The following ACTR3C variants were observed in gnomAD, a reference collection of about 807,000 sequenced individuals.
ACTR3C encodes the protein actin-related protein 3C.
A neutral mutation model predicts 26.3 loss-of-function variants in ACTR3C; 18 were observed. The ratio of observed to expected loss-of-function variants is 0.68; its 90% CI spans 0.47 to 1.01. The LOEUF is 1.01. Among genes scored for constraint, ACTR3C ranks in the 50% least tolerant of loss-of-function variants. The pLI is 0.00. For synonymous variants in ACTR3C, 55 were observed against 94.5 expected (o/e 0.58, Z 2.42); for missense variants, 184 against 250.7 (o/e 0.73, Z 1.80).
At chr7:150,165,155 A>G in the ACTR3C span, among the ~76,000 whole-genome samples, 50 of 152,274 alleles carry the variant, frequency 3.3e-4, no homozygotes, top group South Asian at 1.0e-2. Context: ...ATGCAATTCA[A>G]CATCTCGGTA....
chr7:149,904,919 G>A, the ACTR3C span, among the ~76,000 whole-genome samples: 26 of 151,946 alleles, frequency 1.7e-4, no homozygotes, highest in Non-Finnish European at 2.2e-4. Context: ...CCAGCTACTC[G>A]GGAGGCTGAG....
the ACTR3C span, among the ~76,000 whole-genome samples, chr7:150,030,429 C>A: frequency 6.6e-6 from 1 of 152,052 alleles, no homozygotes; most frequent in East Asian, 1.9e-4. Flanking sequence ...TAACCAACTG[C>A]ACTATTCTAG....
At chr7:150,249,952 T>C (rs1263817955) in intron 6 of ACTR3C, among the ~76,000 whole-genome samples, 5 of 152,216 alleles carry the variant, frequency 3.3e-5, no homozygotes, top group Non-Finnish European at 7.4e-5. Context: ...GGGACTGTGA[T>C]GGGTTAGGGT....
the ACTR3C span, among the ~76,000 whole-genome samples, chr7:149,994,883 T>A: frequency 6.7e-6 from 1 of 148,866 alleles, no homozygotes; most frequent in Non-Finnish European, 1.5e-5. Flanking sequence ...GTATGGAGTT[T>A]CGCTCTTGTT....
the ACTR3C span, among the ~76,000 whole-genome samples, chr7:149,968,236 G>A: frequency 1.3e-5 from 2 of 152,162 alleles, no homozygotes; most frequent in Non-Finnish European, 2.9e-5. Context: ...ATCTTATTTT[G>A]TAAATGTATT....
At chr7:150,241,268 A>C (rs1320803980), downstream of ACTR3C, among the ~76,000 whole-genome samples, 1 of 152,184 alleles carries the variant, frequency 6.6e-6, no homozygotes, top group Non-Finnish European at 1.5e-5. Context: ...AGCCATAGGA[A>C]TAAAGGCCCT....
chr7:150,154,169 C>G, the ACTR3C span, among the ~76,000 whole-genome samples: 1 of 151,036 alleles, frequency 6.6e-6, no homozygotes, highest in Non-Finnish European at 1.5e-5. Context: ...CACATGTATA[C>G]ATATGTAACT....
chr7:150,083,128 T>C, the ACTR3C span, among the ~76,000 whole-genome samples: 1 of 151,008 alleles, frequency 6.6e-6, no homozygotes, highest in Admixed American at 6.6e-5. Flanking sequence ...TGAATTTTCT[T>C]TTTTTGTAGA....
the ACTR3C span, among the ~76,000 whole-genome samples, chr7:149,884,168 T>TATC: frequency 2.1e-4 from 32 of 152,316 alleles, no homozygotes; most frequent in Middle Eastern, 3.4e-3. Context: ...CTAATCTCCT[T>TATC]ATCTGTGTGC....
the ACTR3C span, among the ~76,000 whole-genome samples, chr7:150,012,561 C>T: frequency 2.0e-5 from 3 of 150,380 alleles, no homozygotes; most frequent in African/African-American, 4.9e-5. Flanking sequence ...ATGATCCTCC[C>T]GCCTCGGCCT....
chr7:150,137,844 T>G, the ACTR3C span, among the ~76,000 whole-genome samples: 1,308 of 152,078 alleles, frequency 8.6e-3, 25 homozygotes, highest in African/African-American at 0.03. Flanking sequence ...AATGAGAAAT[T>G]TCATGTTACA....
intron 6 of ACTR3C, among the ~76,000 whole-genome samples, chr7:150,256,448 T>G (rs1287358598): frequency 6.6e-6 from 1 of 152,260 alleles, no homozygotes; most frequent in Non-Finnish European, 1.5e-5. Flanking sequence ...TTTTTTGACT[T>G]TCTTATAATA....
the ACTR3C span, among the ~76,000 whole-genome samples, chr7:150,080,527 ATGTGTGTGTG>A: frequency 6.9e-3 from 986 of 142,656 alleles, 2 homozygotes; most frequent in Non-Finnish European, 0.011. Flanking sequence ...TTGTGTGTGT[ATGTGTGTGTG>A]TGTGTGTGTG....
intron 4 of ACTR3C, among the ~76,000 whole-genome samples, chr7:150,287,493 T>G (rs1165313560): frequency 6.6e-5 from 10 of 151,860 alleles, no homozygotes; most frequent in Non-Finnish European, 1.3e-4. Flanking sequence ...TGTGTTGATA[T>G]GTGTCCTTAG....
intron 6 of ACTR3C, among the ~76,000 whole-genome samples, chr7:150,283,938 C>A (rs1835552979): frequency 6.6e-6 from 1 of 150,800 alleles, no homozygotes; most frequent in Non-Finnish European, 1.5e-5. Flanking sequence ...TTTCTTTTTA[C>A]TCAATAATCA....
the ACTR3C span, among the ~76,000 whole-genome samples, chr7:150,202,050 A>G: frequency 6.6e-6 from 1 of 152,206 alleles, no homozygotes; most frequent in African/African-American, 2.4e-5. Flanking sequence ...AGTAAATGTC[A>G]TAGTGACATT....
At chr7:149,944,246 C>G in the ACTR3C span, among the ~76,000 whole-genome samples, 5 of 152,006 alleles carry the variant, frequency 3.3e-5, no homozygotes, top group Non-Finnish European at 7.3e-5. Flanking sequence ...ATCCCTTATT[C>G]TTATAGATGA....
the ACTR3C span, among the ~76,000 whole-genome samples, chr7:150,186,548 A>G: frequency 6.6e-6 from 1 of 152,156 alleles, no homozygotes; most frequent in Non-Finnish European, 1.5e-5. Flanking sequence ...CTTCTGGACT[A>G]ACTCCCAATC....
At chr7:150,002,513 G>C in the ACTR3C span, 1 of 152,202 alleles carries the variant, frequency 6.6e-6, no homozygotes, top group South Asian at 2.1e-4. Flanking sequence ...AGAGCCGCGT[G>C]TTGATGGGAA....
Sources: gnomAD v4.1 joint callset for allele counts (sites outside exome capture counted in the v4.1 genomes callset) on GRCh38, gnomAD v4.1.1 for gene constraint, MANE v1.5 for transcripts, NCBI Gene and HGNC (gene_info 2026-07-23, HGNC 2026-07-21) for gene names.